The following NCAM2 variants were observed in gnomAD, a reference collection of about 807,000 sequenced individuals.
The protein encoded by NCAM2 is neural cell adhesion molecule 2.
NCAM2 carries 30 observed loss-of-function variants against 98.1 expected under a neutral mutation model. The observed-to-expected ratio is 0.31, with a 90% CI of 0.23 to 0.41. The LOEUF is 0.41. Among genes scored for constraint, NCAM2 ranks in the 10% least tolerant of loss-of-function variants. NCAM2 has a pLI of 1.00. For missense variants in NCAM2, 867 were observed against 1,005.8 expected (o/e 0.86, Z 1.87); for synonymous variants, 368 against 342.4 (o/e 1.07, Z -0.83).
At chr21:21,470,448 A>G (rs2146229903) in intron 14 of NCAM2, among the ~76,000 whole-genome samples, 1 of 152,254 alleles carries the variant, frequency 6.6e-6, no homozygotes, top group Non-Finnish European at 1.5e-5. Flanking sequence ...TCAAGTTCAT[A>G]TAATGGTACT....
chr21:21,257,716 G>A (rs7283364), intron 1 of NCAM2, among the ~76,000 whole-genome samples: 1,852 of 152,126 alleles, frequency 0.012, 44 homozygotes, highest in African/African-American at 0.043. Context: ...CTGAGTAGCT[G>A]GGGTTCCAGG....
chr21:21,415,328 A>ATT (rs2076968187), intron 10 of NCAM2, among the ~76,000 whole-genome samples: 2 of 100,080 alleles, frequency 2.0e-5, no homozygotes, highest in African/African-American at 7.5e-5. Flanking sequence ...TCTTAGCTTG[A>ATT]TCTTTTTTTT....
At chr21:21,427,372 G>T (rs750934105) in intron 11 of NCAM2, among the ~76,000 whole-genome samples, 2 of 152,064 alleles carry the variant, frequency 1.3e-5, no homozygotes, top group Non-Finnish European at 2.9e-5. Context: ...AGAGATGAAG[G>T]GTTTAGTCTT....
chr21:21,421,643 A>G (rs9982862), intron 11 of NCAM2, among the ~76,000 whole-genome samples: 17,754 of 152,120 alleles, frequency 0.12, 1,279 homozygotes, highest in East Asian at 0.3. Context: ...CACTGAAACT[A>G]TACTGTGATT....
intron 5 of NCAM2, among the ~76,000 whole-genome samples, chr21:21,305,441 C>G (rs1210413651): frequency 6.6e-6 from 1 of 152,038 alleles, no homozygotes; most frequent in Admixed American, 6.6e-5. Context: ...ACAGACTCTC[C>G]TGGTGAATAG....
At chr21:21,011,577 T>C (rs909371897) in intron 1 of NCAM2, among the ~76,000 whole-genome samples, 2 of 152,112 alleles carry the variant, frequency 1.3e-5, no homozygotes, top group African/African-American at 4.8e-5. Flanking sequence ...TTTCTGTTGT[T>C]GTTAGAACAT....
chr21:21,236,071 A>C (rs766089), intron 1 of NCAM2, among the ~76,000 whole-genome samples: 1 of 151,666 alleles, frequency 6.6e-6, no homozygotes, highest in East Asian at 2.0e-4. Context: ...AATACCCTGA[A>C]TAATGTTCCT....
intron 1 of NCAM2, among the ~76,000 whole-genome samples, chr21:21,175,518 G>A (rs1385764245): frequency 1.3e-5 from 2 of 152,070 alleles, no homozygotes; most frequent in African/African-American, 2.4e-5. Flanking sequence ...GGGCTACAGA[G>A]CGAGACTCCG....
intron 1 of NCAM2, among the ~76,000 whole-genome samples, chr21:21,235,091 A>T (rs770998548): frequency 1.6e-4 from 24 of 152,054 alleles, no homozygotes; most frequent in Non-Finnish European, 3.1e-4. Context: ...CAATTATTTA[A>T]GCACCTTTTT....
chr21:21,126,741 CAAATA>C (rs1375345313), intron 1 of NCAM2, among the ~76,000 whole-genome samples: 7 of 151,874 alleles, frequency 4.6e-5, no homozygotes, highest in African/African-American at 1.7e-4. Flanking sequence ...AACTGATAAT[CAAATA>C]AAATATCAGT....
chr21:21,008,855 C>G lies in NCAM2; in HGVS notation c.55+10237C>G, dbSNP rs116734095. Among the ~76,000 whole-genome samples the G allele has an allele frequency of 3.5e-3, 528 of 152,270 alleles. 2 individuals carry two copies. Among genetic ancestry groups the G allele is most frequent in the African/African-American group, 0.012 (514 of 41,574 alleles). Reference sequence around the variant, plus strand: ...TGTATTCATTGAACAATCCTATTCTCTCAGCCTCATTGCTCATTACTGTGC... The same window carrying G: ...TGTATTCATTGAACAATCCTATTCTGTCAGCCTCATTGCTCATTACTGTGC... On this transcript the variant is annotated intron_variant, in intron 1 of 17. Coordinates refer to ENST00000400546, the MANE Select transcript of NCAM2 (RefSeq NM_004540.5).
chr21:21,374,837 G>T (rs936342515), intron 9 of NCAM2, among the ~76,000 whole-genome samples: 5 of 151,748 alleles, frequency 3.3e-5, no homozygotes, highest in Admixed American at 1.3e-4. Context: ...TTGATAGAAT[G>T]CAATGGTAAC....
intron 1 of NCAM2, among the ~76,000 whole-genome samples, chr21:21,191,146 G>A (rs926359936): frequency 2.0e-5 from 3 of 152,126 alleles, no homozygotes; most frequent in Non-Finnish European, 4.4e-5. Flanking sequence ...TTTATAGAGA[G>A]TCAACCACTT....
At chr21:21,326,713 A>G (rs1339507309) in intron 6 of NCAM2, among the ~76,000 whole-genome samples, 4 of 152,180 alleles carry the variant, frequency 2.6e-5, no homozygotes, top group Admixed American at 2.6e-4. Flanking sequence ...ATATGGTATT[A>G]GTTTCATCCT....
intron 12 of NCAM2, among the ~76,000 whole-genome samples, chr21:21,463,569 T>C (rs1296179103): frequency 6.6e-6 from 1 of 152,104 alleles, no homozygotes; most frequent in Non-Finnish European, 1.5e-5. Flanking sequence ...AGTTTAGCCA[T>C]CGGTGTGCCC....
At chr21:21,389,874 G>A (rs768838350) in intron 9 of NCAM2, among the ~76,000 whole-genome samples, 17 of 152,048 alleles carry the variant, frequency 1.1e-4, no homozygotes, top group East Asian at 3.9e-4. Flanking sequence ...ATTATGAGGC[G>A]GAGTCTCACT....
In NCAM2 at chr21:21,450,730, C is replaced by G. The variant is rs905663314; in HGVS notation, c.1655-15876C>G. ...TTATGTCCAATATGCATTTTACTTT[C>G]TTACAGTCATGCATGAATTTGTGTT... On this transcript the variant is annotated intron_variant, in intron 12 of 17. Transcript: ENST00000400546. 2.0e-5 allele frequency among the ~76,000 whole-genome samples: 3 copies of G among 151,642 alleles called. No homozygotes were observed. In the East Asian group the frequency reaches 5.8e-4, roughly 30 times the overall value.
intron 1 of NCAM2, among the ~76,000 whole-genome samples, chr21:21,253,334 C>T (rs1013982385): frequency 2.6e-5 from 4 of 152,134 alleles, no homozygotes; most frequent in Non-Finnish European, 4.4e-5. Flanking sequence ...GTAAGCACTA[C>T]TTATTATGGT....
At chr21:21,525,567 T>G (rs1044894434) in intron 16 of NCAM2, among the ~76,000 whole-genome samples, 1 of 152,152 alleles carries the variant, frequency 6.6e-6, no homozygotes, top group African/African-American at 2.4e-5. Flanking sequence ...ACAAGTTCAC[T>G]GGTGAATTCT....
Sources: allele counts gnomAD v4.1 joint callset (sites outside exome capture counted in the v4.1 genomes callset), GRCh38; gene constraint gnomAD v4.1.1; transcripts MANE v1.5; gene names NCBI Gene and HGNC (gene_info 2026-07-23, HGNC 2026-07-21).